UBXN7: variants seen among roughly 807,000 people sequenced by gnomAD.
The protein encoded by UBXN7 is UBX domain protein 7, also known as UBX domain-containing protein 7.
UBXN7 carries 9 observed loss-of-function variants against 58.0 expected under a neutral mutation model. The ratio of observed to expected loss-of-function variants is 0.16; its 90% CI spans 0.09 to 0.27. The LOEUF (loss-of-function observed/expected upper bound fraction) is 0.27, where lower values mean the gene tolerates loss of function less well. UBXN7 is among the 10% of genes least tolerant of loss of function. The pLI, the probability that UBXN7 is intolerant of heterozygous loss-of-function variation, is 1.00. For synonymous variants in UBXN7, 208 were observed against 205.0 expected (o/e 1.01, Z -0.12); for missense variants, 328 against 599.6 (o/e 0.55, Z 4.73).
rs1394156095 is a variant in UBXN7, at chr3:196,355,217, C to T, written c.*1468G>A. On this transcript the variant is annotated 3_prime_UTR_variant, in exon 11 of 11. Transcript: ENST00000296328. ...TAAATCCTCAACTGACAAAAAGGTC[C>T]ATTTAATATTTTTCATTTTACAAGT... The T allele has an allele frequency of 1.3e-5, 2 of 152,120 alleles. No individual in the cohort carries two copies. The highest frequency in any genetic ancestry group is 2.4e-5 in the African/African-American group (1 of 41,424). 9.4% of individuals were successfully genotyped at this position (152,120 alleles called of 1,614,324 possible). A position where few individuals can be genotyped will look rare whatever the true frequency, so the allele number is the denominator to read the frequency against.
At chr3:196,392,121 T>G (rs1371230100) in intron 4 of UBXN7, among the ~76,000 whole-genome samples, 196 bp from the exon 5 acceptor site, 1 of 151,750 alleles carries the variant, frequency 6.6e-6, no homozygotes, top group Admixed American at 6.6e-5. Flanking sequence ...GACTTGGTGG[T>G]ATTCCCTATC....
intron 1 of UBXN7, chr3:196,431,292 A>G (rs901446171): frequency 6.6e-6 from 1 of 152,244 alleles, no homozygotes; most frequent in African/African-American, 2.4e-5. Flanking sequence ...ACTCAGGCAC[A>G]TTGGAGTACT....
intron 5 of UBXN7, among the ~76,000 whole-genome samples, chr3:196,376,652 C>T (rs1033599307): frequency 6.6e-6 from 1 of 150,578 alleles, no homozygotes; most frequent in Non-Finnish European, 1.5e-5. Context: ...TGCATTTATA[C>T]TAAATACTTA....
intron 5 of UBXN7, among the ~76,000 whole-genome samples, chr3:196,380,530 G>A (rs1353756278): frequency 6.6e-6 from 1 of 152,180 alleles, no homozygotes; most frequent in Non-Finnish European, 1.5e-5. Context: ...CCAAATAGGA[G>A]CAGCTGCAGT....
intron 3 of UBXN7, among the ~76,000 whole-genome samples, chr3:196,402,634 AG>A (rs1431012550): frequency 6.6e-6 from 1 of 152,232 alleles, no homozygotes. Flanking sequence ...ATATCTAGAG[AG>A]TAAGGATATG....
intron 5 of UBXN7, among the ~76,000 whole-genome samples, chr3:196,380,762 G>A (rs529346267): frequency 2.0e-5 from 3 of 152,178 alleles, no homozygotes; most frequent in Admixed American, 6.5e-5. Context: ...CTGGAAAAAC[G>A]GGGCACTCCC....
chr3:196,425,333 T>A (rs1228201804), intron 1 of UBXN7, among the ~76,000 whole-genome samples: 2 of 152,046 alleles, frequency 1.3e-5, no homozygotes, highest in East Asian at 3.9e-4. Context: ...AGCCTTCTAC[T>A]GATCTCTGTG....
chr3:196,377,354 C>T (rs996320921), intron 5 of UBXN7, among the ~76,000 whole-genome samples: 4 of 152,144 alleles, frequency 2.6e-5, no homozygotes, highest in African/African-American at 9.7e-5. Context: ...CTGTATTTTC[C>T]CTCAGACCTC....
At chr3:196,406,193 C>T (rs911826143) in intron 2 of UBXN7, among the ~76,000 whole-genome samples, 1 of 151,844 alleles carries the variant, frequency 6.6e-6, no homozygotes, top group South Asian at 2.1e-4. Context: ...CCACCACACC[C>T]GGCTAATTTT....
At chr3:196,374,876 G>A (rs1314285392) in intron 5 of UBXN7, among the ~76,000 whole-genome samples, 1 of 32,868 alleles carries the variant, frequency 3.0e-5, no homozygotes, top group Non-Finnish European at 6.5e-5. Context: ...GGGGAGGGGA[G>A]GGGAGGGGAG....
intron 8 of UBXN7, among the ~76,000 whole-genome samples, chr3:196,366,823 A>G (rs896996057): frequency 2.0e-5 from 3 of 152,128 alleles, no homozygotes; most frequent in Admixed American, 2.0e-4. Flanking sequence ...CAAGAGGTGG[A>G]GGCTGTAGCG....
intron 5 of UBXN7, among the ~76,000 whole-genome samples, chr3:196,380,385 G>C (rs927218061): frequency 9.2e-5 from 14 of 152,100 alleles, no homozygotes; most frequent in African/African-American, 3.1e-4. Flanking sequence ...GGGCAAGCAA[G>C]ACCTAGGGGA....
intron 10 of UBXN7, among the ~76,000 whole-genome samples, chr3:196,359,245 T>C (rs1728438349): frequency 1.3e-5 from 2 of 152,276 alleles, no homozygotes; most frequent in South Asian, 2.1e-4. Context: ...TATTCTGCTT[T>C]TGGGCACCAC....
chr3:196,400,639 C>A (rs887382582), intron 3 of UBXN7: 2 of 249,382 alleles, frequency 8.0e-6, no homozygotes. Flanking sequence ...CTATAGAAGG[C>A]TGAGGTGGGA....
rs1333144375 is a variant in UBXN7 at position 196,347,666 on chromosome 3, GAA to G, written c.*9017_*9018del. ...CAACAACACAAAAAAAACTAATACT[GAA>G]AAGTTTTTGTTTTTATTTCCAAGAT... On this transcript the variant is annotated 3_prime_UTR_variant, in exon 11 of 11. Transcript: ENST00000296328. 1 of 152,054 alleles carries G rather than the reference GAA, an allele frequency of 6.6e-6. No homozygotes were observed. The highest frequency in any genetic ancestry group is 1.5e-5 in the Non-Finnish European group (1 of 68,006). The allele number at this position is 152,054 out of a possible 1,614,324, so 9.4% of individuals were successfully genotyped here. A position where few individuals can be genotyped will look rare whatever the true frequency, so the allele number is the denominator to read the frequency against.
chr3:196,387,926 A>G (rs1351838774), intron 5 of UBXN7, among the ~76,000 whole-genome samples: 2 of 152,208 alleles, frequency 1.3e-5, no homozygotes, highest in Non-Finnish European at 2.9e-5. Flanking sequence ...CATTTGACCC[A>G]GCAATCCTAT....
intron 3 of UBXN7, among the ~76,000 whole-genome samples, chr3:196,401,295 A>ATATATATATATATG (rs1729966724): frequency 2.9e-5 from 3 of 102,058 alleles, no homozygotes; most frequent in African/African-American, 1.3e-4. Context: ...ATATATATAT[A>ATATATATATATATG]TATACACACA....
intron 1 of UBXN7, among the ~76,000 whole-genome samples, chr3:196,427,961 TAA>T (rs910196732): frequency 6.6e-6 from 1 of 152,008 alleles, no homozygotes; most frequent in Non-Finnish European, 1.5e-5. Flanking sequence ...CCATCTCTAC[TAA>T]AAATACAAAA....
intron 5 of UBXN7, among the ~76,000 whole-genome samples, chr3:196,379,762 T>C (rs1253471463): frequency 6.6e-6 from 1 of 152,132 alleles, no homozygotes; most frequent in Non-Finnish European, 1.5e-5. Flanking sequence ...ATCCCTTCTG[T>C]GATTCGCCAG....
Sources: gnomAD v4.1 joint callset for allele counts (sites outside exome capture counted in the v4.1 genomes callset) on GRCh38, gnomAD v4.1.1 for gene constraint, MANE v1.5 for transcripts, NCBI Gene and HGNC (gene_info 2026-07-23, HGNC 2026-07-21) for gene names.